The following ATP8B1 variants were observed in gnomAD, a reference collection of about 807,000 sequenced individuals.
ATP8B1 encodes the protein ATPase phospholipid transporting 8B1.
Under a neutral mutation model 149.9 loss-of-function variants are expected in ATP8B1, and 80 were observed. The ratio of observed to expected loss-of-function variants is 0.53; its 90% CI spans 0.45 to 0.64. The LOEUF (loss-of-function observed/expected upper bound fraction) is 0.64. Among genes scored for constraint, ATP8B1 ranks in the 30% least tolerant of loss-of-function variants. The pLI is 0.00. For missense variants in ATP8B1, 1,247 were observed against 1,552.6 expected, an observed-to-expected ratio of 0.80 and a Z score of 3.31; for synonymous variants, 536 against 562.8, an observed-to-expected ratio of 0.95 and a Z score of 0.67.
In ATP8B1 at chr18:57,707,221, G is replaced by A. The variant is rs1052291041; in HGVS notation, c.182-634C>T. Among the ~76,000 whole-genome samples, 9 of 152,050 alleles carry A rather than the reference G, an allele frequency of 5.9e-5. No homozygotes were observed. In the South Asian group the frequency reaches 6.2e-4, roughly 10 times the overall value. ...TGAGGCAGGAAAATTGTTTGAACCC[G>A]GGAGGTGGAGGTTGCAGTGAGCTGA... On this transcript the variant is annotated intron_variant, in intron 2 of 27. Coordinates refer to ENST00000648908, the MANE Select transcript of ATP8B1 (RefSeq NM_001374385.1).
chr18:57,671,325 C>T, intron 17 of ATP8B1, 143 bp downstream of exon 17: 1 of 747,834 alleles, frequency 1.3e-6, no homozygotes, highest in Non-Finnish European at 2.3e-6. Context: ...GGCTGTATTC[C>T]TACTTTACTG....
At chr18:57,651,193 A>G (rs959555162) in intron 26 of ATP8B1, among the ~76,000 whole-genome samples, 2 of 152,112 alleles carry the variant, frequency 1.3e-5, no homozygotes, top group African/African-American at 4.8e-5. Flanking sequence ...TGCAGCCTCA[A>G]CCTCCTGGGC....
rs746180462 is a variant in ATP8B1, at chr18:57,654,840, CCA to C, written c.2931+352_2931+353del. Among the ~76,000 whole-genome samples, 72 of 152,058 alleles carry C rather than the reference CCA, an allele frequency of 4.7e-4. 1 individual carries two copies. The highest frequency in any genetic ancestry group is 1.5e-3 in the South Asian group (7 of 4,812). ...TAGCTGGGATTACAGGTGCCTGCCA[CCA>C]CACCCGGAAAATTTTTGTATTTTTA... On this transcript the variant is annotated intron_variant, in intron 23 of 27. Coordinates refer to ENST00000648908, the MANE Select transcript of ATP8B1 (RefSeq NM_001374385.1).
chr18:57,772,358 A>G (rs1318671), intron 1 of ATP8B1, among the ~76,000 whole-genome samples: 50,842 of 151,994 alleles, frequency 0.33, 9,632 homozygotes, highest in East Asian at 0.8. Flanking sequence ...CTGGGCCACT[A>G]TCTGATTGGG....
At chr18:57,783,557 C>T (rs900321608) in intron 1 of ATP8B1, among the ~76,000 whole-genome samples, 20 of 152,076 alleles carry the variant, frequency 1.3e-4, no homozygotes, top group African/African-American at 4.8e-4. Context: ...AATTGAAGAC[C>T]GGGCATAGTG....
At chr18:57,663,072 T>G (rs1278140271) in intron 20 of ATP8B1, among the ~76,000 whole-genome samples, 2 of 152,160 alleles carry the variant, frequency 1.3e-5, no homozygotes, top group Non-Finnish European at 2.9e-5. Context: ...TCTATACCTA[T>G]TAAACAATAA....
intron 1 of ATP8B1, among the ~76,000 whole-genome samples, chr18:57,782,131 T>G (rs1406300183): frequency 6.6e-6 from 1 of 152,248 alleles, no homozygotes; most frequent in Non-Finnish European, 1.5e-5. Flanking sequence ...GGCAGAAAGC[T>G]GCTGCAGTGA....
At chr18:57,732,829 C>T (rs1399354432) in intron 1 of ATP8B1, among the ~76,000 whole-genome samples, 2 of 67,130 alleles carry the variant, frequency 3.0e-5, no homozygotes, top group Non-Finnish European at 5.8e-5. Flanking sequence ...TCCCAAAGTG[C>T]TGGGATTACA....
At chr18:57,679,751 G>A (rs931233969) in intron 15 of ATP8B1, among the ~76,000 whole-genome samples, 2 of 152,060 alleles carry the variant, frequency 1.3e-5, no homozygotes, top group African/African-American at 4.8e-5. Flanking sequence ...AGCAACCTCC[G>A]CCTCGCGGGT....
intron 1 of ATP8B1, among the ~76,000 whole-genome samples, chr18:57,776,150 C>T (rs960296318): frequency 6.6e-6 from 1 of 152,180 alleles, no homozygotes; most frequent in Non-Finnish European, 1.5e-5. Context: ...AATCTTGTTA[C>T]TTGGCATAAT....
intron 2 of ATP8B1, among the ~76,000 whole-genome samples, chr18:57,710,354 T>C (rs747680230): frequency 8.5e-5 from 13 of 152,138 alleles, no homozygotes; most frequent in Non-Finnish European, 1.5e-4. Context: ...AATGGTTGTG[T>C]TGTCAATATA....
chr18:57,743,616 C>T (rs753657660), intron 1 of ATP8B1, among the ~76,000 whole-genome samples: 1 of 151,872 alleles, frequency 6.6e-6, no homozygotes, highest in Non-Finnish European at 1.5e-5. Flanking sequence ...TATTAAGGAA[C>T]TAAAAAAACC....
At chr18:57,769,114 C>T (rs1384975319) in intron 1 of ATP8B1, among the ~76,000 whole-genome samples, 1 of 152,102 alleles carries the variant, frequency 6.6e-6, no homozygotes, top group Admixed American at 6.6e-5. Context: ...CTTGCTCAAC[C>T]GTGGTCTGAC....
At chr18:57,686,668 G>T (rs141875734) in intron 13 of ATP8B1, among the ~76,000 whole-genome samples, 1 of 152,092 alleles carries the variant, frequency 6.6e-6, no homozygotes, top group Non-Finnish European at 1.5e-5. Context: ...ATCCACCCAC[G>T]TAGGCCTCCC....
intron 13 of ATP8B1, among the ~76,000 whole-genome samples, chr18:57,687,970 A>G (rs1912338468): frequency 6.6e-6 from 1 of 151,870 alleles, no homozygotes; most frequent in South Asian, 2.1e-4. Flanking sequence ...ATTAGTAGAG[A>G]CGGGGTTTTG....
At chr18:57,690,243 G>C (rs1488239292) in intron 12 of ATP8B1, among the ~76,000 whole-genome samples, 2 of 152,234 alleles carry the variant, frequency 1.3e-5, no homozygotes, top group Admixed American at 1.3e-4. Flanking sequence ...CAAAGGCCCT[G>C]TGCAGGAAGA....
intron 1 of ATP8B1, among the ~76,000 whole-genome samples, chr18:57,741,426 G>T (rs2079912815): frequency 6.6e-6 from 1 of 152,194 alleles, no homozygotes; most frequent in African/African-American, 2.4e-5. Context: ...AGCCAGCAGG[G>T]ACTGGAGCCC....
intron 19 of ATP8B1, 38 bp downstream of exon 19, chr18:57,668,391 G>T: frequency 6.6e-7 from 1 of 1,516,148 alleles, no homozygotes. Flanking sequence ...ATAAATATTT[G>T]TGAATTAACA....
At chr18:57,732,844 C>CACT (rs2079802322) in intron 1 of ATP8B1, among the ~76,000 whole-genome samples, 3 of 45,664 alleles carry the variant, frequency 6.6e-5, no homozygotes, top group Non-Finnish European at 1.5e-4. Context: ...ATTACAGGCC[C>CACT]GCGCCCGGCC....
Sources: allele counts gnomAD v4.1 joint callset (sites outside exome capture counted in the v4.1 genomes callset), GRCh38; gene constraint gnomAD v4.1.1; transcripts MANE v1.5; gene names NCBI Gene and HGNC (gene_info 2026-07-23, HGNC 2026-07-21).